The following USP34 variants were observed in gnomAD, a reference collection of about 807,000 sequenced individuals.
The protein encoded by USP34 is ubiquitin specific peptidase 34.
Under a neutral mutation model 460.3 loss-of-function variants are expected in USP34, and 70 were observed. The ratio of observed to expected loss-of-function variants is 0.15; its 90% CI spans 0.13 to 0.19. The LOEUF is 0.19. Among genes scored for constraint, USP34 ranks in the 10% least tolerant of loss-of-function variants. The pLI is 1.00. For missense variants in USP34, 3,985 were observed against 4,236.2 expected, an observed-to-expected ratio of 0.94 and a Z score of 1.65; for synonymous variants, 1,647 against 1,405.3, an observed-to-expected ratio of 1.17 and a Z score of -3.85.
intron 5 of USP34, among the ~76,000 whole-genome samples, chr2:61,385,230 C>T (rs1194786526): frequency 6.6e-6 from 1 of 152,044 alleles, no homozygotes; most frequent in African/African-American, 2.4e-5. Flanking sequence ...AATTAAACAA[C>T]ATGTAAATAA....
At chr2:61,230,974 G>A (rs1242669269) in intron 58 of USP34, among the ~76,000 whole-genome samples, 2 of 151,890 alleles carry the variant, frequency 1.3e-5, no homozygotes, top group African/African-American at 4.8e-5. Flanking sequence ...ACTAAAAACA[G>A]CCAAAAAGTA....
At position 61,343,990 on chromosome 2, in the gene USP34, A is replaced by T. The variant is rs1378019985; in HGVS notation, c.2325T>A (p.Ser775Arg). The stretch of plus-strand genomic sequence containing the variant: ...TTGCACTAACCTGGGAGCTACTACA[A>T]CTGACATCATCTGCACTTAGCATAT... Reference protein sequence around the residue: ...VDDMLSADDVSCSSSQVSAKS... With the variant: ...VDDMLSADDVRCSSSQVSAKS... Residue 775 changes from serine (S) to arginine (R), a missense_variant, in exon 16 of 80, where the codon AGT becomes AGA. Physicochemically the swap from Ser to Arg is moderately radical, Grantham distance 110. Transcript: ENST00000398571. The T allele has an allele frequency of 1.9e-6, 3 of 1,613,786 alleles. No individual in the cohort carries two copies. The highest frequency in any genetic ancestry group is 2.5e-6 in the Non-Finnish European group (3 of 1,179,906).
intron 75 of USP34, chr2:61,200,158 C>G (rs1446713195): frequency 4.6e-5 from 7 of 152,352 alleles, no homozygotes; most frequent in African/African-American, 1.7e-4. Context: ...CTAAAGTGAT[C>G]CTTCCACCTC....
At chr2:61,435,781 C>G (rs1265651457) in intron 1 of USP34, among the ~76,000 whole-genome samples, 1 of 152,034 alleles carries the variant, frequency 6.6e-6, no homozygotes, top group Admixed American at 6.5e-5. Context: ...GTAATCCCAG[C>G]ACTTTGGGAG....
chr2:61,282,242 C>A (rs76433149), intron 37 of USP34, among the ~76,000 whole-genome samples: 1 of 152,142 alleles, frequency 6.6e-6, no homozygotes, highest in African/African-American at 2.4e-5. Context: ...CCACCCACCT[C>A]GGCCTGTGAT....
intron 16 of USP34, among the ~76,000 whole-genome samples, chr2:61,342,471 A>ATT (rs111228767): frequency 7.0e-4 from 101 of 143,672 alleles, no homozygotes; most frequent in African/African-American, 1.7e-3. Flanking sequence ...CAGCTAATTT[A>ATT]TTTTTTTTTT....
At chr2:61,395,301 TA>T (rs1193842121) in intron 3 of USP34, 68 bp from the exon 4 acceptor site, 1 of 967,322 alleles carries the variant, frequency 1.0e-6, no homozygotes, top group Non-Finnish European at 1.6e-6. Flanking sequence ...TACAATTCTA[TA>T]AAAGACTGAT....
intron 23 of USP34, among the ~76,000 whole-genome samples, chr2:61,316,699 A>C (rs928876183): frequency 6.6e-6 from 1 of 152,166 alleles, no homozygotes; most frequent in Non-Finnish European, 1.5e-5. Flanking sequence ...AGCCCCGCCA[A>C]CATGGTGAAA....
intron 21 of USP34, among the ~76,000 whole-genome samples, chr2:61,320,914 G>A (rs1325741399): frequency 1.3e-5 from 2 of 152,152 alleles, no homozygotes; most frequent in Admixed American, 6.6e-5. Flanking sequence ...GGAGGATAAG[G>A]CACGAGAATC....
intron 30 of USP34, 89 bp from the exon 31 acceptor site, chr2:61,295,379 C>G: frequency 7.3e-7 from 1 of 1,362,312 alleles, no homozygotes; most frequent in Non-Finnish European, 9.7e-7. Context: ...TACATAAAAA[C>G]TCAAAATATT....
intron 3 of USP34, 54 bp from the exon 4 acceptor site, chr2:61,395,287 A>G: frequency 9.5e-7 from 1 of 1,057,212 alleles, no homozygotes; most frequent in Non-Finnish European, 1.4e-6. Context: ...TAACCTTTAA[A>G]AAATACAATT....
chr2:61,363,633 A>G (rs1692336672), intron 10 of USP34, among the ~76,000 whole-genome samples: 1 of 152,222 alleles, frequency 6.6e-6, no homozygotes, highest in Admixed American at 6.5e-5. Flanking sequence ...GCTCCATTAT[A>G]ATCTTACGGG....
chr2:61,367,634 T>C (rs1216784952), intron 10 of USP34, among the ~76,000 whole-genome samples: 2 of 152,046 alleles, frequency 1.3e-5, no homozygotes, highest in Non-Finnish European at 2.9e-5. Flanking sequence ...TCTCCATCAC[T>C]AAATATAGTA....
chr2:61,204,638 AAG>A (rs764431132), intron 72 of USP34, 37 bp from the exon 73 acceptor site: 3 of 1,524,774 alleles, frequency 2.0e-6, no homozygotes, highest in South Asian at 2.3e-5. Context: ...GCAAAAAATT[AAG>A]AGTTATATCT....
chr2:61,315,796 T>C (rs1375034798), intron 23 of USP34, among the ~76,000 whole-genome samples: 1 of 152,212 alleles, frequency 6.6e-6, no homozygotes, highest in Admixed American at 6.5e-5. Context: ...GATTTCCTTC[T>C]AAATTGGCAG....
At chr2:61,464,822 T>G (rs920211637) in intron 1 of USP34, among the ~76,000 whole-genome samples, 1 of 151,986 alleles carries the variant, frequency 6.6e-6, no homozygotes, top group Non-Finnish European at 1.5e-5. Flanking sequence ...GTGAGTTTGC[T>G]ATGGTGATGG....
intron 2 of USP34, among the ~76,000 whole-genome samples, chr2:61,418,078 T>C (rs530946650): frequency 1.7e-4 from 26 of 150,874 alleles, no homozygotes; most frequent in Non-Finnish European, 3.4e-4. Flanking sequence ...TAAATTCTTG[T>C]TAACATACTT....
At chr2:61,234,880 C>A (rs946021011) in intron 57 of USP34, among the ~76,000 whole-genome samples, 2 of 152,302 alleles carry the variant, frequency 1.3e-5, no homozygotes, top group Admixed American at 1.3e-4. Flanking sequence ...AAGTGATCCG[C>A]CCGCCTCAGC....
chr2:61,266,851 G>C (rs1020845132), intron 41 of USP34, among the ~76,000 whole-genome samples: 1 of 152,172 alleles, frequency 6.6e-6, no homozygotes, highest in Non-Finnish European at 1.5e-5. Flanking sequence ...AACGTCACTG[G>C]TAAGTAAACA....
Sources: gnomAD v4.1 joint callset for allele counts (sites outside exome capture counted in the v4.1 genomes callset) on GRCh38, gnomAD v4.1.1 for gene constraint, MANE v1.5 for transcripts, NCBI Gene and HGNC (gene_info 2026-07-23, HGNC 2026-07-21) for gene names.